The following KIRREL1 variants were observed in gnomAD, a reference collection of about 807,000 sequenced individuals.
The protein encoded by KIRREL1 is kin of IRRE-like protein 1.
KIRREL1 carries 25 observed loss-of-function variants against 83.3 expected under a neutral mutation model. The observed-to-expected ratio is 0.30, with a 90% CI of 0.22 to 0.42. The LOEUF is 0.42. Ranked by LOEUF, KIRREL1 falls within the 10% of genes least tolerant of loss-of-function variation. The pLI is 1.00. For synonymous variants in KIRREL1, 388 were observed against 410.4 expected (o/e 0.95, Z 0.66); for missense variants, 812 against 1,032.3 (o/e 0.79, Z 2.92).
intron 1 of KIRREL1, among the ~76,000 whole-genome samples, chr1:158,058,042 G>C (rs1221417577): frequency 2.0e-5 from 3 of 152,188 alleles, no homozygotes; most frequent in Non-Finnish European, 4.4e-5. Flanking sequence ...TTGGGGGCTT[G>C]CGATTTTCTG....
chr1:158,018,424 GGGCAGGTAGGA>G (rs1168619206), intron 1 of KIRREL1, among the ~76,000 whole-genome samples: 2 of 152,138 alleles, frequency 1.3e-5, no homozygotes, highest in African/African-American at 4.8e-5. Context: ...AGAGACCTGT[GGGCAGGTAGGA>G]GGCAGCTCAT....
At chr1:158,034,142 G>C (rs1224727643) in intron 1 of KIRREL1, among the ~76,000 whole-genome samples, 1 of 151,220 alleles carries the variant, frequency 6.6e-6, no homozygotes. Flanking sequence ...GCTTGGTGGC[G>C]GGCGCCTGTA....
In KIRREL1 at chr1:158,002,705, A is replaced by C. The variant is rs555582769; in HGVS notation, c.52+8977A>C. Among the ~76,000 whole-genome samples the C allele has an allele frequency of 1.6e-4, 25 of 152,280 alleles. No individual in the cohort carries two copies. The East Asian group carries it at 4.6e-3, about 28-fold the overall frequency. On this transcript the variant is annotated intron_variant, in intron 1 of 14. Coordinates refer to ENST00000359209, the MANE Select transcript of KIRREL1 (RefSeq NM_018240.7). ...AAGGTTGTGAGAGAGGTATGTGAAA[A>C]ATGCTGAAGCCTAACCGTCCAGTGA...
Position 158,076,027 on chromosome 1 carries a change from C to T in KIRREL1, c.53-86C>T, listed in dbSNP as rs1453540746. 3.8e-6 allele frequency: 5 copies of T among 1,321,958 alleles called. No individual in the cohort carries two copies. The African/African-American group carries it at 5.9e-5, about 16-fold the overall frequency. The allele number at this position is 1,321,958 out of a possible 1,614,324, so 81.9% of individuals were successfully genotyped here. A position where few individuals can be genotyped will look rare whatever the true frequency, so the allele number is the denominator to read the frequency against. On this transcript the variant is annotated intron_variant, in intron 1 of 14. Coordinates refer to ENST00000359209, the MANE Select transcript of KIRREL1 (RefSeq NM_018240.7). Reference sequence around the variant, plus strand: ...CCCCATCCCCAACTGGAGGCTCTCCCTCCTTCCAGCTGCATGGTGAGGGGG... The same window carrying T: ...CCCCATCCCCAACTGGAGGCTCTCCTTCCTTCCAGCTGCATGGTGAGGGGG...
chr1:158,078,154 TA>T lies in KIRREL1; in HGVS notation c.352+15del. 6.2e-7 allele frequency: 1 copy of T among 1,608,882 alleles called. No homozygotes were observed. Among genetic ancestry groups the T allele is most frequent in the Middle Eastern group, 1.7e-4 (1 of 6,044 alleles). ...TCACCGTGCTCAGTAAGGACCCCAA[TA>T]CCCTTCAGTACTTCGAGGCCCTGTC... On this transcript the variant is annotated intron_variant, in intron 3 of 14. Transcript: ENST00000359209.
intron 1 of KIRREL1, among the ~76,000 whole-genome samples, chr1:158,046,956 C>T (rs1660794745): frequency 6.6e-6 from 1 of 152,098 alleles, no homozygotes; most frequent in Non-Finnish European, 1.5e-5. Context: ...GGAGAGAATG[C>T]AGCCCCTTTG....
At chr1:158,060,936 AG>A (rs1211633122) in intron 1 of KIRREL1, among the ~76,000 whole-genome samples, 2 of 152,194 alleles carry the variant, frequency 1.3e-5, no homozygotes, top group African/African-American at 4.8e-5. Flanking sequence ...AGGAAGTTCC[AG>A]AACTACCTGA....
intron 1 of KIRREL1, among the ~76,000 whole-genome samples, chr1:158,045,596 A>G (rs1660758122): frequency 1.3e-5 from 2 of 152,210 alleles, no homozygotes; most frequent in Admixed American, 6.5e-5. Flanking sequence ...TCCCTGTGGA[A>G]TCAAGACGTT....
Position 158,076,262 on chromosome 1 carries a change from G to A in KIRREL1, c.202G>A (p.Ala68Thr). The change falls in exon 2 of 15, where the codon GCC becomes ACC. Residue 68 changes from alanine to threonine, a missense_variant and splice_region_variant. Around this residue, in one of 3 missense-constraint regions of KIRREL1, gnomAD observed 472 missense variants for 626.8 expected, o/e 0.75. Coordinates refer to ENST00000359209, the MANE Select transcript of KIRREL1 (RefSeq NM_018240.7). ...LALGMGQGLK[A>T]WPRYRVVGSA... Reference sequence around the variant, plus strand: ...CCTGGGCATGGGCCAGGGCCTCAAAGGTGAGTGCCTGGCTACCCAACGTCC... The same window carrying A: ...CCTGGGCATGGGCCAGGGCCTCAAAAGTGAGTGCCTGGCTACCCAACGTCC... 9 of 1,613,590 alleles carry A rather than the reference G, an allele frequency of 5.6e-6. No homozygotes were observed. Among genetic ancestry groups the A allele is most frequent in the Non-Finnish European group, 6.8e-6 (8 of 1,179,682 alleles).
chr1:157,996,300 C>G (rs2101613825), intron 1 of KIRREL1, among the ~76,000 whole-genome samples: 1 of 152,234 alleles, frequency 6.6e-6, no homozygotes. Context: ...GCGCCGGCTC[C>G]ACAGACTGAT....
intron 1 of KIRREL1, among the ~76,000 whole-genome samples, chr1:158,001,062 C>G (rs1659347740): frequency 2.0e-5 from 3 of 152,164 alleles, no homozygotes; most frequent in Admixed American, 2.0e-4. Flanking sequence ...CAGGTTTATC[C>G]CAGGAAGCTG....
intron 1 of KIRREL1, among the ~76,000 whole-genome samples, chr1:158,044,884 ATTAG>A (rs1368676242): frequency 6.6e-6 from 1 of 152,222 alleles, no homozygotes; most frequent in Non-Finnish European, 1.5e-5. Context: ...TAGGTAAAAT[ATTAG>A]TTAGTTGGAT....
intron 1 of KIRREL1, among the ~76,000 whole-genome samples, chr1:158,068,509 C>T (rs1661416740): frequency 1.3e-5 from 2 of 152,204 alleles, no homozygotes; most frequent in South Asian, 2.1e-4. Context: ...GCTGGGCAGG[C>T]ACAGAGCTTT....
intron 1 of KIRREL1, among the ~76,000 whole-genome samples, chr1:158,047,155 G>C (rs944699981): frequency 6.6e-6 from 1 of 152,210 alleles, no homozygotes; most frequent in Non-Finnish European, 1.5e-5. Context: ...CTACAAAGAG[G>C]AGGATTGTAG....
chr1:158,069,331 TGTGTGTGTGTGTGA>T (rs987620320), intron 1 of KIRREL1, among the ~76,000 whole-genome samples: 5 of 151,776 alleles, frequency 3.3e-5, no homozygotes, highest in Non-Finnish European at 7.4e-5. Context: ...TGTGTGTGTG[TGTGTGTGTGTGTGA>T]ATCTAAGCAT....
chr1:157,996,836 G>C (rs1659219260), intron 1 of KIRREL1, among the ~76,000 whole-genome samples: 1 of 152,168 alleles, frequency 6.6e-6, no homozygotes, highest in Non-Finnish European at 1.5e-5. Flanking sequence ...TAGACCCAAA[G>C]GGAGGGTGTG....
At chr1:158,084,198 G>A (rs962109970) in intron 3 of KIRREL1, among the ~76,000 whole-genome samples, 1 of 152,090 alleles carries the variant, frequency 6.6e-6, no homozygotes, top group Non-Finnish European at 1.5e-5. Context: ...TATAGGCCAG[G>A]AAAGAAAAGC....
intron 1 of KIRREL1, among the ~76,000 whole-genome samples, chr1:158,035,691 G>C (rs12568166): frequency 0.1 from 15,472 of 152,116 alleles, 933 homozygotes; most frequent in South Asian, 0.21. Context: ...CCAAATCCTA[G>C]TATTTTTTTT....
intron 1 of KIRREL1, among the ~76,000 whole-genome samples, chr1:158,026,884 C>A (rs1247257983): frequency 6.6e-6 from 1 of 152,174 alleles, no homozygotes; most frequent in Non-Finnish European, 1.5e-5. Context: ...CCCCCTACAA[C>A]AGTCAACACA....
Sources: gnomAD v4.1 joint callset for allele counts (sites outside exome capture counted in the v4.1 genomes callset) on GRCh38, gnomAD v4.1.1 for gene constraint, gnomAD v4.1.1 regional missense constraint, MANE v1.5 for transcripts, NCBI Gene and HGNC (gene_info 2026-07-23, HGNC 2026-07-21) for gene names.